The following VAV2 variants were observed in gnomAD, a reference collection of about 807,000 sequenced individuals.
The protein encoded by VAV2 is vav guanine nucleotide exchange factor 2.
In VAV2, 67 loss-of-function variants were observed where a neutral mutation model predicts 132.5. The ratio of observed to expected loss-of-function variants is 0.51; its 90% confidence interval spans 0.42 to 0.62. VAV2 has a LOEUF of 0.62. Among genes scored for constraint, VAV2 ranks in the 20% least tolerant of loss-of-function variants. The pLI, the probability that VAV2 is intolerant of heterozygous loss-of-function variation, is 0.00. For missense variants in VAV2, 938 were observed against 1,153.6 expected (o/e 0.81, Z 2.71); for synonymous variants, 492 against 443.5 (o/e 1.11, Z -1.37).
chr9:133,871,315 A>AATTGGGGGTGGATGGATGT (rs1304554151), intron 2 of VAV2, among the ~76,000 whole-genome samples: 1 of 145,856 alleles, frequency 6.9e-6, no homozygotes, highest in Non-Finnish European at 1.5e-5. Context: ...TGGATGGATG[A>AATTGGGGGTGGATGGATGT]ATTGGGGGTG....
At chr9:133,780,672 G>A in intron 20 of VAV2, 22 bp downstream of exon 20, 2 of 1,288,562 alleles carry the variant, frequency 1.6e-6, no homozygotes, top group South Asian at 2.9e-5. Context: ...GCAGAGGGAG[G>A]GGAAACACTC....
intron 1 of VAV2, among the ~76,000 whole-genome samples, chr9:133,973,126 G>A (rs574876676): frequency 2.4e-4 from 37 of 152,044 alleles, no homozygotes; most frequent in Admixed American, 1.6e-3. Flanking sequence ...CCAGTGCCAC[G>A]GAGGGCCCAA....
At chr9:133,900,000 G>A (rs147549420) in intron 2 of VAV2, among the ~76,000 whole-genome samples, 2,081 of 147,804 alleles carry the variant, frequency 0.014, 50 homozygotes, top group African/African-American at 0.044. Flanking sequence ...CAGCCTGGGC[G>A]ACAGAGCAAG....
At chr9:133,848,261 CTGAG>C (rs1224300469) in intron 3 of VAV2, among the ~76,000 whole-genome samples, 1 of 119,198 alleles carries the variant, frequency 8.4e-6, no homozygotes, top group Non-Finnish European at 1.6e-5. Context: ...GCCTGGGCGA[CTGAG>C]TGAGACTCCG....
At chr9:133,871,172 A>G (rs10821530) in intron 2 of VAV2, among the ~76,000 whole-genome samples, 19,024 of 146,280 alleles carry the variant, frequency 0.13, 1,301 homozygotes, top group African/African-American at 0.19. Context: ...AGATGGATGG[A>G]TAGATGAGTG....
At chr9:133,960,179 C>T (rs1359257996) in intron 1 of VAV2, among the ~76,000 whole-genome samples, 2 of 152,170 alleles carry the variant, frequency 1.3e-5, no homozygotes, top group Non-Finnish European at 2.9e-5. Context: ...AAGCTGGGGC[C>T]GACAGTCCAG....
intron 2 of VAV2, among the ~76,000 whole-genome samples, chr9:133,911,293 G>A (rs1218268804): frequency 6.6e-6 from 1 of 152,232 alleles, no homozygotes; most frequent in Admixed American, 6.5e-5. Context: ...AACTTTCTGT[G>A]AAGAGAGAAA....
intron 3 of VAV2, among the ~76,000 whole-genome samples, chr9:133,844,931 C>G (rs750838583): frequency 7.9e-5 from 12 of 152,264 alleles, no homozygotes; most frequent in Non-Finnish European, 1.5e-4. Context: ...CTCAGCAGCC[C>G]CAACCAGGAC....
chr9:133,771,831 C>T (rs1055079757), intron 26 of VAV2, 128 bp downstream of exon 26: 3 of 889,428 alleles, frequency 3.4e-6, no homozygotes, highest in Non-Finnish European at 3.6e-6. Context: ...AAAACCAATT[C>T]CCTAAATCTT....
In VAV2 at chr9:133,878,164, A is replaced by G. The variant is rs989415768; in HGVS notation, c.322-16732T>C. On this transcript the variant is annotated intron_variant, in intron 2 of 29. Coordinates refer to ENST00000371850, the MANE Select transcript of VAV2 (RefSeq NM_001134398.2). ...AGCACTCTCCGCCGGCCTGCGTCTCACAGATGCTCCGGGTGTACCACGGGG... is the reference window on the plus strand; with the variant it reads ...AGCACTCTCCGCCGGCCTGCGTCTCGCAGATGCTCCGGGTGTACCACGGGG... Among the ~76,000 whole-genome samples, 3 of 152,124 alleles carry G rather than the reference A, an allele frequency of 2.0e-5. 1 individual carries two copies. The highest frequency in any genetic ancestry group is 4.4e-5 in the Non-Finnish European group (3 of 68,010).
rs116642615 is a variant in VAV2 at position 133,878,493 on chromosome 9, C to T, written c.322-17061G>A. Among the ~76,000 whole-genome samples, 840 of 152,258 alleles carry T rather than the reference C, an allele frequency of 5.5e-3. 10 individuals carry two copies. The highest frequency in any genetic ancestry group is 0.019 in the African/African-American group (797 of 41,528). ...GCTGTGAGATGGGGGCAGCGGCACC[C>T]GCAAGAGTAAGGGAGACAACACACT... On this transcript the variant is annotated intron_variant, in intron 2 of 29. Coordinates refer to ENST00000371850, the MANE Select transcript of VAV2 (RefSeq NM_001134398.2).
At chr9:133,944,951 C>T (rs370540115) in intron 1 of VAV2, among the ~76,000 whole-genome samples, 11 of 152,350 alleles carry the variant, frequency 7.2e-5, no homozygotes, top group South Asian at 2.1e-4. Context: ...AGACTGGCTA[C>T]GCGTCTCGGT....
In VAV2 at chr9:133,879,325, C is replaced by A. The variant is rs1281206831; in HGVS notation, c.322-17893G>T. ...AGGAACCAGCAGGGTGTGATCAATGCCGCAGGGTAAAGAACAGAGCAGCTG... is the reference window on the plus strand; with the variant it reads ...AGGAACCAGCAGGGTGTGATCAATGACGCAGGGTAAAGAACAGAGCAGCTG... On this transcript the variant is annotated intron_variant, in intron 2 of 29. Coordinates refer to ENST00000371850, the MANE Select transcript of VAV2 (RefSeq NM_001134398.2). The surrounding 1 kb of genome is among the most constrained non-coding windows in gnomAD (Gnocchi z 4.4). Among the ~76,000 whole-genome samples the A allele has an allele frequency of 2.6e-5, 4 of 152,084 alleles. No individual in the cohort carries two copies. The highest frequency in any genetic ancestry group is 5.9e-5 in the Non-Finnish European group (4 of 67,984).
chr9:133,953,948 C>T (rs1315059934), intron 1 of VAV2, among the ~76,000 whole-genome samples: 1 of 152,222 alleles, frequency 6.6e-6, no homozygotes, highest in Admixed American at 6.5e-5. Flanking sequence ...CAGCACCTGA[C>T]AGGCAGCGCC....
intron 4 of VAV2, among the ~76,000 whole-genome samples, chr9:133,817,743 G>A (rs1290329511): frequency 1.3e-5 from 2 of 152,156 alleles, no homozygotes; most frequent in Non-Finnish European, 2.9e-5. Context: ...TTCAGATATC[G>A]TGCTTTTCAG....
chr9:133,807,641 A>C (rs1835203891), intron 7 of VAV2, among the ~76,000 whole-genome samples: 1 of 152,116 alleles, frequency 6.6e-6, no homozygotes, highest in African/African-American at 2.4e-5. Context: ...GCTTGCGGTG[A>C]GGGGCTGAGA....
At position 133,981,442 on chromosome 9, in the gene VAV2, G is replaced by A. The variant is rs964485326; in HGVS notation, c.204+10633C>T. On this transcript the variant is annotated intron_variant, in intron 1 of 29. Coordinates refer to ENST00000371850, the MANE Select transcript of VAV2 (RefSeq NM_001134398.2). Reference sequence around the variant, plus strand: ...CTCAGGAAGAGAGCCACTCCCTCAGGCCGCCCGCTGCACTCTGCTCTGATG... The same window carrying A: ...CTCAGGAAGAGAGCCACTCCCTCAGACCGCCCGCTGCACTCTGCTCTGATG... Among the ~76,000 whole-genome samples the A allele has an allele frequency of 5.3e-5, 8 of 152,160 alleles. No homozygotes were observed. The East Asian group carries it at 7.7e-4, about 15-fold the overall frequency.
chr9:133,980,264 C>T (rs971763192), intron 1 of VAV2, among the ~76,000 whole-genome samples: 1 of 152,204 alleles, frequency 6.6e-6, no homozygotes, highest in Admixed American at 6.5e-5. Context: ...CGGGCTGGCA[C>T]GAGGCCTCAA....
chr9:133,783,681 G>T, intron 18 of VAV2, 90 bp from the exon 19 acceptor site: 1 of 1,179,232 alleles, frequency 8.5e-7, no homozygotes, highest in Non-Finnish European at 1.3e-6. Flanking sequence ...CCCCACCCAG[G>T]CTCACCTGGC....
Sources: allele counts gnomAD v4.1 joint callset (sites outside exome capture counted in the v4.1 genomes callset), GRCh38; gene constraint gnomAD v4.1.1; non-coding constraint Gnocchi (gnomAD v3.1); transcripts MANE v1.5; gene names NCBI Gene and HGNC (gene_info 2026-07-23, HGNC 2026-07-21).